The following EDIL3 variants were observed in gnomAD, a reference collection of about 807,000 sequenced individuals.
The protein encoded by EDIL3 is EGF-like repeat and discoidin I-like domain-containing protein 3.
Under a neutral mutation model 67.4 loss-of-function variants are expected in EDIL3, and 37 were observed. The observed-to-expected ratio is 0.55, with a 90% CI of 0.42 to 0.72. The LOEUF is 0.72. Among genes scored for constraint, EDIL3 ranks in the 30% least tolerant of loss-of-function variants. The pLI is 0.00. For synonymous variants in EDIL3, 195 were observed against 196.3 expected, an observed-to-expected ratio of 0.99 and a Z score of 0.05; for missense variants, 527 against 586.3, an observed-to-expected ratio of 0.90 and a Z score of 1.04.
intron 9 of EDIL3, among the ~76,000 whole-genome samples, chr5:84,049,956 T>C (rs1746299559): frequency 6.6e-6 from 1 of 151,464 alleles, no homozygotes; most frequent in Non-Finnish European, 1.5e-5. Context: ...TCCCAGCACT[T>C]TGGGAGGCCG....
chr5:84,114,046 T>TTTTA (rs1747620750), intron 5 of EDIL3, among the ~76,000 whole-genome samples: 1 of 152,104 alleles, frequency 6.6e-6, no homozygotes, highest in Non-Finnish European at 1.5e-5. Context: ...CTAGCATTTG[T>TTTTA]TTTATTTTAG....
intron 3 of EDIL3, among the ~76,000 whole-genome samples, chr5:84,193,803 C>A (rs1743641050): frequency 6.6e-6 from 1 of 151,882 alleles, no homozygotes; most frequent in East Asian, 1.9e-4. Context: ...TGTGAGATTT[C>A]CGTTTTATGT....
rs144512211 is a variant in EDIL3, at chr5:84,236,484, T to C, written c.197-6600A>G. On this transcript the variant is annotated intron_variant, in intron 2 of 10. Coordinates refer to ENST00000296591, the MANE Select transcript of EDIL3 (RefSeq NM_005711.5). ...TTCCTCCCTATCCAAACCCAAACCA[T>C]CCTTGTCGACTGAATTCAAGTTTCA... 2.2e-3 allele frequency among the ~76,000 whole-genome samples: 334 copies of C among 152,176 alleles called. 2 individuals carry two copies. The highest frequency in any genetic ancestry group is 7.6e-3 in the African/African-American group (314 of 41,556).
At chr5:84,264,578 C>A (rs1745308679) in intron 1 of EDIL3, among the ~76,000 whole-genome samples, 1 of 152,122 alleles carries the variant, frequency 6.6e-6, no homozygotes, top group Non-Finnish European at 1.5e-5. Context: ...AGGAGTGACA[C>A]CTGACCACTT....
chr5:84,243,072 T>C lies in EDIL3; in HGVS notation c.196+11012A>G, dbSNP rs13166778. Among the ~76,000 whole-genome samples, 17 of 7,130 alleles carry C rather than the reference T, an allele frequency of 2.4e-3. No individual in the cohort carries two copies. The East Asian group carries it at 0.28, about 117-fold the overall frequency. 4.7% of individuals were successfully genotyped at this position (7,130 alleles called of 152,430 possible). A position where few individuals can be genotyped will look rare whatever the true frequency, so the allele number is the denominator to read the frequency against. On this transcript the variant is annotated intron_variant, in intron 2 of 10. Coordinates refer to ENST00000296591, the MANE Select transcript of EDIL3 (RefSeq NM_005711.5). The stretch of plus-strand genomic sequence containing the variant: ...CCTTGTTTATTTTCAGGTTATTTTA[T>C]GTGTGTGTGTGTGTGTGTAAATGAA...
At chr5:83,992,599 T>C (rs771841675) in intron 9 of EDIL3, among the ~76,000 whole-genome samples, 20 of 152,204 alleles carry the variant, frequency 1.3e-4, no homozygotes, top group Admixed American at 3.3e-4. Context: ...ATTATCATAT[T>C]ATTAAAATTG....
chr5:84,297,531 C>G (rs1055644124), intron 1 of EDIL3, among the ~76,000 whole-genome samples: 1 of 152,056 alleles, frequency 6.6e-6, no homozygotes, highest in African/African-American at 2.4e-5. Context: ...AACATCAGGT[C>G]GTGGGGGTGA....
chr5:84,364,943 C>T (rs555099848), intron 1 of EDIL3, among the ~76,000 whole-genome samples: 75 of 152,014 alleles, frequency 4.9e-4, no homozygotes, highest in African/African-American at 1.7e-3. Context: ...TATACCAATC[C>T]TTAAAACATG....
At chr5:84,371,452 GAGA>G (rs1561271706) in intron 1 of EDIL3, among the ~76,000 whole-genome samples, 2 of 41,746 alleles carry the variant, frequency 4.8e-5, no homozygotes, top group African/African-American at 9.1e-5. Context: ...TATATATATA[GAGA>G]GAGAGAGAGA....
At chr5:84,012,558 G>C (rs946274719) in intron 9 of EDIL3, among the ~76,000 whole-genome samples, 4 of 151,902 alleles carry the variant, frequency 2.6e-5, no homozygotes, top group African/African-American at 9.7e-5. Flanking sequence ...TTAGAAAAAG[G>C]GTCCAGTAGC....
chr5:84,371,870 A>G (rs903637539), intron 1 of EDIL3, among the ~76,000 whole-genome samples: 16 of 152,022 alleles, frequency 1.1e-4, no homozygotes, highest in African/African-American at 3.9e-4. Flanking sequence ...TAAACAATAA[A>G]CCATCACTTC....
intron 1 of EDIL3, among the ~76,000 whole-genome samples, chr5:84,376,179 T>C (rs1261066141): frequency 6.6e-6 from 1 of 152,144 alleles, no homozygotes; most frequent in African/African-American, 2.4e-5. Context: ...CCTGCCTCAA[T>C]AGTTTTGAGA....
chr5:84,327,307 A>C (rs1746783315), intron 1 of EDIL3, among the ~76,000 whole-genome samples: 1 of 151,934 alleles, frequency 6.6e-6, no homozygotes, highest in Non-Finnish European at 1.5e-5. Context: ...TTTCAGCTTA[A>C]TGAAACCATT....
intron 1 of EDIL3, among the ~76,000 whole-genome samples, chr5:84,374,626 G>A (rs951668210): frequency 1.3e-5 from 2 of 152,094 alleles, no homozygotes; most frequent in Non-Finnish European, 2.9e-5. Flanking sequence ...TTTGGCTCTG[G>A]GTCCCCACCC....
chr5:84,092,915 C>G (rs769150167), intron 6 of EDIL3, among the ~76,000 whole-genome samples: 3 of 152,140 alleles, frequency 2.0e-5, no homozygotes, highest in Non-Finnish European at 4.4e-5. Flanking sequence ...CCAAGCCCAT[C>G]TAGCCTTGCC....
intron 9 of EDIL3, among the ~76,000 whole-genome samples, chr5:84,020,715 A>T (rs1580283081): frequency 6.6e-6 from 1 of 152,046 alleles, no homozygotes; most frequent in African/African-American, 2.4e-5. Context: ...AACAGTATAC[A>T]TAATGGAAAA....
intron 4 of EDIL3, among the ~76,000 whole-genome samples, chr5:84,137,724 C>T (rs1377065878): frequency 6.6e-6 from 1 of 152,098 alleles, no homozygotes; most frequent in Non-Finnish European, 1.5e-5. Context: ...AGAAACCTCC[C>T]CTGCAGCAAC....
chr5:84,093,761 G>A (rs1207530552), intron 6 of EDIL3, among the ~76,000 whole-genome samples: 2 of 147,376 alleles, frequency 1.4e-5, no homozygotes, highest in Admixed American at 1.4e-4. Context: ...CCAGATTCAA[G>A]TGATTCTCCT....
chr5:84,374,210 G>GAA (rs199975282), intron 1 of EDIL3, among the ~76,000 whole-genome samples: 19 of 128,812 alleles, frequency 1.5e-4, no homozygotes, highest in African/African-American at 4.5e-4. Flanking sequence ...CCAAGAACTG[G>GAA]AAAAAAAAAA....
Sources: allele counts gnomAD v4.1 joint callset (sites outside exome capture counted in the v4.1 genomes callset), GRCh38; gene constraint gnomAD v4.1.1; transcripts MANE v1.5; gene names NCBI Gene and HGNC (gene_info 2026-07-23, HGNC 2026-07-21).